Variants in PLD1 observed in about 807,000 individuals in gnomAD.
PLD1 encodes choline phosphatase 1.
A neutral mutation model predicts 137.1 loss-of-function variants in PLD1; 112 were observed. The observed-to-expected ratio is 0.82, with a 90% CI of 0.70 to 0.96. PLD1 has a LOEUF of 0.96. Among genes scored for constraint, PLD1 ranks in the 40% least tolerant of loss-of-function variants. PLD1 has a pLI of 0.00. For synonymous variants in PLD1, 431 were observed against 454.7 expected (o/e 0.95, Z 0.66); for missense variants, 1,321 against 1,342.0 (o/e 0.98, Z 0.24).
chr3:171,699,859 A>G, intron 11 of PLD1, 33 bp from the exon 12 acceptor site: 1 of 1,525,940 alleles, frequency 6.6e-7, no homozygotes, highest in South Asian at 1.1e-5. Flanking sequence ...TTAAGTAACT[A>G]AAACAAAATA....
intron 1 of PLD1, among the ~76,000 whole-genome samples, chr3:171,748,443 C>T (rs1720419904): frequency 6.6e-6 from 1 of 152,262 alleles, no homozygotes; most frequent in Middle Eastern, 3.4e-3. Context: ...TTTCACTTCC[C>T]TTCAAAGCAA....
At chr3:171,758,076 C>T (rs1721148368) in intron 1 of PLD1, among the ~76,000 whole-genome samples, 1 of 152,212 alleles carries the variant, frequency 6.6e-6, no homozygotes. Flanking sequence ...TCTACCTTAA[C>T]ATGCCAGGCA....
chr3:171,675,450 G>A lies in PLD1; in HGVS notation c.2116-837C>T, dbSNP rs368534472. On this transcript the variant is annotated intron_variant, in intron 18 of 26. Transcript: ENST00000351298. ...GATTATGGCTTTAGTTTGAATACCC[G>A]GAAATAGTTTTTCTGGATCAAAGAT... is the stretch of plus-strand genomic sequence containing the variant. Among the ~76,000 whole-genome samples, 18 of 152,166 alleles carry A rather than the reference G, an allele frequency of 1.2e-4. No homozygotes were observed. The South Asian group carries it at 1.7e-3, about 14-fold the overall frequency.
chr3:171,613,725 T>C (rs1311037817), intron 24 of PLD1, among the ~76,000 whole-genome samples: 1 of 152,118 alleles, frequency 6.6e-6, no homozygotes, highest in Non-Finnish European at 1.5e-5. Flanking sequence ...GAGCTGAGAA[T>C]GTTGACTTTT....
intron 23 of PLD1, among the ~76,000 whole-genome samples, chr3:171,631,475 C>A (rs1252249875): frequency 6.6e-6 from 1 of 151,960 alleles, no homozygotes; most frequent in African/African-American, 2.4e-5. Flanking sequence ...GTACAAAGGC[C>A]CAAAGTAGTG....
At chr3:171,614,389 C>G (rs1732921060) in intron 24 of PLD1, among the ~76,000 whole-genome samples, 1 of 152,162 alleles carries the variant, frequency 6.6e-6, no homozygotes, top group African/African-American at 2.4e-5. Context: ...CTTAATCTTT[C>G]TCAGCTTTAA....
rs749362935 is a variant in PLD1, at chr3:171,662,139, C to T, written c.2261G>A (p.Gly754Asp). Reference protein sequence around the residue: ...LLRSAADWSAGIKYHEESIHA... With the variant: ...LLRSAADWSADIKYHEESIHA... Reference sequence around the variant, plus strand: ...GATGGACTCTTCATGGTACTTTATACCAGCAGACCAATCAGCAGCAGAGCG... The same window carrying T: ...GATGGACTCTTCATGGTACTTTATATCAGCAGACCAATCAGCAGCAGAGCG... Residue 754 changes from glycine to aspartate, a missense_variant, in exon 20 of 27, where the codon GGT becomes GAT. Physicochemically the swap from Gly to Asp is moderately conservative, Grantham distance 94 (BLOSUM62 -1). Transcript: ENST00000351298. 1.5e-5 allele frequency: 25 copies of T among 1,613,032 alleles called. No individual in the cohort carries two copies. Among genetic ancestry groups the T allele is most frequent in the Non-Finnish European group, 1.8e-5 (21 of 1,179,202 alleles).
chr3:171,653,108 T>C (rs1366158888), intron 21 of PLD1: 1 of 152,148 alleles, frequency 6.6e-6, no homozygotes, highest in East Asian at 1.9e-4. Flanking sequence ...GGCTAAGTTA[T>C]CTAATTTCAC....
intron 16 of PLD1, among the ~76,000 whole-genome samples, chr3:171,679,069 C>T (rs572297391): frequency 3.3e-5 from 5 of 152,294 alleles, no homozygotes; most frequent in South Asian, 4.1e-4. Context: ...GACTCTGTGA[C>T]GCAATTGTAT....
intron 1 of PLD1, among the ~76,000 whole-genome samples, chr3:171,747,478 T>A (rs535791084): frequency 1.3e-5 from 2 of 151,902 alleles, no homozygotes; most frequent in African/African-American, 2.4e-5. Context: ...CTCTTTTTTT[T>A]TTTTTTCTCC....
At chr3:171,610,080 T>A (rs1021268159) in intron 25 of PLD1, among the ~76,000 whole-genome samples, 1 of 151,976 alleles carries the variant, frequency 6.6e-6, no homozygotes, top group Non-Finnish European at 1.5e-5. Context: ...TTAAATAAAC[T>A]CAGTCAAGAT....
intron 12 of PLD1, among the ~76,000 whole-genome samples, chr3:171,693,304 C>A (rs1715383038): frequency 6.6e-6 from 1 of 152,196 alleles, no homozygotes; most frequent in Admixed American, 6.5e-5. Flanking sequence ...CTGCACATTA[C>A]CCATCTCATC....
intron 1 of PLD1, among the ~76,000 whole-genome samples, chr3:171,754,226 T>G (rs1720859328): frequency 6.6e-6 from 1 of 152,216 alleles, no homozygotes; most frequent in Admixed American, 6.5e-5. Context: ...CAGTCACTGT[T>G]TCTGAATGAA....
At position 171,631,856 on chromosome 3, in the gene PLD1, AT is replaced by A. The variant is rs11310595; in HGVS notation, c.2593+10983del. On this transcript the variant is annotated intron_variant, in intron 23 of 26. Transcript: ENST00000351298. Reference sequence around the variant, plus strand: ...ATTAATTTAAAAGAAACTAATAAATATAGAAAAAAATGATGGAATCACAAAG... The same window carrying A: ...ATTAATTTAAAAGAAACTAATAAATAAGAAAAAAATGATGGAATCACAAAG... 6.1e-3 allele frequency among the ~76,000 whole-genome samples: 926 copies of A among 152,322 alleles called. 6 individuals are homozygous for A. Among genetic ancestry groups the A allele is most frequent in the African/African-American group, 0.018 (762 of 41,572 alleles).
intron 11 of PLD1, among the ~76,000 whole-genome samples, chr3:171,707,014 C>T (rs1716745915): frequency 1.3e-5 from 2 of 152,178 alleles, no homozygotes; most frequent in South Asian, 4.1e-4. Flanking sequence ...ATGTCCTTTG[C>T]AGCAACATGG....
intron 19 of PLD1, among the ~76,000 whole-genome samples, chr3:171,671,077 G>T (rs901312586): frequency 6.6e-6 from 1 of 152,194 alleles, no homozygotes; most frequent in Non-Finnish European, 1.5e-5. Context: ...GGCTCAGGGA[G>T]GGGTAATGGC....
chr3:171,724,367 T>C (rs746582938), intron 8 of PLD1, among the ~76,000 whole-genome samples: 4 of 152,230 alleles, frequency 2.6e-5, no homozygotes, highest in Non-Finnish European at 4.4e-5. Flanking sequence ...TTGTATCTCA[T>C]TGTGGATTTG....
At chr3:171,646,675 C>CAA (rs77696811) in intron 21 of PLD1, among the ~76,000 whole-genome samples, 113 of 89,514 alleles carry the variant, frequency 1.3e-3, no homozygotes, top group Admixed American at 2.4e-3. Context: ...AAAGAACAGA[C>CAA]AAAAAAAAAA....
chr3:171,806,286 T>A (rs1044726980), intron 1 of PLD1, among the ~76,000 whole-genome samples: 1 of 152,212 alleles, frequency 6.6e-6, no homozygotes, highest in Admixed American at 6.5e-5. Flanking sequence ...TTACGTAACA[T>A]ACACTTTTGC....
Sources: gnomAD v4.1 joint callset for allele counts (sites outside exome capture counted in the v4.1 genomes callset) on GRCh38, gnomAD v4.1.1 for gene constraint, MANE v1.5 for transcripts, NCBI Gene and HGNC (gene_info 2026-07-23, HGNC 2026-07-21) for gene names.